The following POLDIP3 variants were observed in gnomAD, a reference collection of about 807,000 sequenced individuals.
POLDIP3 encodes polymerase delta-interacting protein 3.
In POLDIP3, 14 loss-of-function variants were observed where a neutral mutation model predicts 45.1. That is an observed-to-expected ratio of 0.31 (90% CI 0.20 to 0.49). The LOEUF (loss-of-function observed/expected upper bound fraction) is 0.49, where lower values mean the gene tolerates loss of function less well. Among genes scored for constraint, POLDIP3 ranks in the 20% least tolerant of loss-of-function variants. POLDIP3 has a pLI of 0.99. For missense variants in POLDIP3, 511 were observed against 538.8 expected (o/e 0.95, Z 0.51); for synonymous variants, 223 against 205.2 (o/e 1.09, Z -0.74).
intron 7 of POLDIP3, among the ~76,000 whole-genome samples, chr22:42,590,338 G>A (rs150564488): frequency 7.0e-4 from 107 of 152,206 alleles, no homozygotes; most frequent in Non-Finnish European, 8.5e-4. Flanking sequence ...ACAGGCACAC[G>A]CCACCACGCG....
chr22:42,591,089 A>T (rs1925640126), intron 7 of POLDIP3, among the ~76,000 whole-genome samples: 1 of 151,200 alleles, frequency 6.6e-6, no homozygotes, highest in African/African-American at 2.4e-5. Flanking sequence ...AAAAATAAAA[A>T]AATAATAAAA....
intron 6 of POLDIP3, 21 bp from the exon 7 acceptor site, chr22:42,592,105 TGG>T (rs759232143): frequency 6.2e-7 from 1 of 1,613,688 alleles, no homozygotes; most frequent in Non-Finnish European, 8.5e-7. Flanking sequence ...CAAGAGGGGT[TGG>T]GATTGGGGAA....
intron 5 of POLDIP3, among the ~76,000 whole-genome samples, chr22:42,595,920 G>T (rs151041917): frequency 4.5e-4 from 68 of 152,336 alleles, no homozygotes; most frequent in African/African-American, 1.6e-3. Context: ...CAACTGGAAT[G>T]AGATAATCTG....
chr22:42,602,764 A>C lies in POLDIP3; in HGVS notation c.450+6T>G, dbSNP rs749300998. The C allele has an allele frequency of 6.3e-7, 1 of 1,585,860 alleles. No individual in the cohort carries two copies. Among genetic ancestry groups the C allele is most frequent in the South Asian group, 1.1e-5 (1 of 88,296 alleles). On this transcript the variant is annotated splice_donor_region_variant and intron_variant, in intron 2 of 8. Transcript: ENST00000252115. ...CTGGGAATTCATGACAAAAGCCACA[A>C]CTCACCTGGATGGTTTTGGTGAGCT... is the stretch of plus-strand genomic sequence containing the variant.
intron 7 of POLDIP3, among the ~76,000 whole-genome samples, chr22:42,591,689 G>C (rs971786079): frequency 1.3e-5 from 2 of 152,188 alleles, no homozygotes; most frequent in African/African-American, 4.8e-5. Context: ...GGCTCCCCTG[G>C]CAAGACCCCT....
At chr22:42,597,070 G>C (rs1363837051) in intron 4 of POLDIP3, among the ~76,000 whole-genome samples, 1 of 152,134 alleles carries the variant, frequency 6.6e-6, no homozygotes, top group East Asian at 1.9e-4. Context: ...TGGCCATCCA[G>C]AGGAACCACA....
chr22:42,591,159 T>C (rs922249508), intron 7 of POLDIP3, among the ~76,000 whole-genome samples: 1 of 149,472 alleles, frequency 6.7e-6, no homozygotes, highest in African/African-American at 2.4e-5. Context: ...TCCAAACATA[T>C]GACAAAAAAT....
At chr22:42,600,768 G>C (rs1039882211) in intron 3 of POLDIP3, among the ~76,000 whole-genome samples, 3 of 152,138 alleles carry the variant, frequency 2.0e-5, no homozygotes, top group African/African-American at 7.2e-5. Flanking sequence ...TCAGGAGTTC[G>C]AGATCAGCCT....
intron 6 of POLDIP3, 61 bp downstream of exon 6, chr22:42,595,476 A>C: frequency 6.0e-6 from 9 of 1,491,252 alleles, no homozygotes; most frequent in African/African-American, 1.4e-5. Flanking sequence ...GGTGGGTCTT[A>C]AGAGACCTTT....
chr22:42,600,177 T>A (rs1055019438), intron 3 of POLDIP3, among the ~76,000 whole-genome samples: 4 of 152,228 alleles, frequency 2.6e-5, no homozygotes, highest in African/African-American at 9.6e-5. Context: ...GCAGAAGGAT[T>A]TCTAACAGTG....
chr22:42,588,790 G>C (rs1391685854), intron 7 of POLDIP3, among the ~76,000 whole-genome samples: 1 of 151,970 alleles, frequency 6.6e-6, no homozygotes, highest in African/African-American at 2.4e-5. Context: ...CACCACACCT[G>C]GCTAATTTTG....
At chr22:42,612,238 A>G (rs1927171918) in intron 1 of POLDIP3, among the ~76,000 whole-genome samples, 1 of 152,264 alleles carries the variant, frequency 6.6e-6, no homozygotes, top group African/African-American at 2.4e-5. Context: ...ACCCGTTGTC[A>G]GGAACTTTTC....
intron 7 of POLDIP3, among the ~76,000 whole-genome samples, chr22:42,590,158 G>A (rs1404768993): frequency 6.6e-6 from 1 of 152,308 alleles, no homozygotes; most frequent in East Asian, 1.9e-4. Context: ...AACACGGAAT[G>A]CAGTTACAGC....
chr22:42,607,344 C>G (rs1926799640), intron 1 of POLDIP3, among the ~76,000 whole-genome samples: 1 of 152,254 alleles, frequency 6.6e-6, no homozygotes, highest in South Asian at 2.1e-4. Context: ...AGCTCCCGAC[C>G]GCAAGTGATC....
intron 6 of POLDIP3, among the ~76,000 whole-genome samples, chr22:42,592,587 G>T (rs1972719549): frequency 6.6e-6 from 1 of 152,182 alleles, no homozygotes; most frequent in African/African-American, 2.4e-5. Flanking sequence ...GGGACAGTTG[G>T]TCACTCTAAG....
intron 1 of POLDIP3, among the ~76,000 whole-genome samples, chr22:42,607,372 C>T (rs557138635): frequency 2.0e-5 from 3 of 152,382 alleles, no homozygotes; most frequent in South Asian, 4.1e-4. Flanking sequence ...CTCGGCCTCC[C>T]GAGGTGCCGG....
chr22:42,586,900 T>TA (rs1925346714), intron 8 of POLDIP3, among the ~76,000 whole-genome samples: 1 of 152,128 alleles, frequency 6.6e-6, no homozygotes, highest in African/African-American at 2.4e-5. Flanking sequence ...CAGGCATGTA[T>TA]ACTCAGCTGT....
At chr22:42,614,670 G>T in intron 1 of POLDIP3, 129 bp downstream of exon 1, 1 of 1,029,144 alleles carries the variant, frequency 9.7e-7, no homozygotes, top group Non-Finnish European at 1.4e-6. Context: ...GCCGGCCAAT[G>T]AGGAGCGCGG....
At chr22:42,605,395 C>T (rs758143166) in intron 1 of POLDIP3, among the ~76,000 whole-genome samples, 1 of 152,222 alleles carries the variant, frequency 6.6e-6, no homozygotes, top group African/African-American at 2.4e-5. Flanking sequence ...CAAAGCGTTA[C>T]GATTACAGGC....
Sources: gnomAD v4.1 joint callset for allele counts (sites outside exome capture counted in the v4.1 genomes callset) on GRCh38, gnomAD v4.1.1 for gene constraint, MANE v1.5 for transcripts, NCBI Gene and HGNC (gene_info 2026-07-23, HGNC 2026-07-21) for gene names.